Variants in USP31 observed in about 807,000 individuals in gnomAD.
The protein encoded by USP31 is ubiquitin carboxyl-terminal hydrolase 31.
Under a neutral mutation model 119.4 loss-of-function variants are expected in USP31, and 44 were observed. The ratio of observed to expected loss-of-function variants is 0.37; its 90% CI spans 0.29 to 0.47. USP31 has a LOEUF of 0.47. Among genes scored for constraint, USP31 ranks in the 20% least tolerant of loss-of-function variants. The pLI is 0.99. For missense variants in USP31, 1,643 were observed against 1,730.2 expected, an observed-to-expected ratio of 0.95 and a Z score of 0.89; for synonymous variants, 749 against 705.6, an observed-to-expected ratio of 1.06 and a Z score of -0.97.
At chr16:23,134,565 C>T (rs1454999491) in intron 1 of USP31, among the ~76,000 whole-genome samples, 3 of 151,376 alleles carry the variant, frequency 2.0e-5, no homozygotes, top group Admixed American at 2.0e-4. Flanking sequence ...CTATACTACA[C>T]GAGATGGGAA....
chr16:23,068,530 G>T lies in USP31; in HGVS notation c.3575C>A (p.Ala1192Asp), dbSNP rs1360950841. The T allele has an allele frequency of 1.2e-6, 2 of 1,613,872 alleles. No homozygotes were observed. Among genetic ancestry groups the T allele is most frequent in the Non-Finnish European group, 1.7e-6 (2 of 1,179,910 alleles). ...GGAGGAGCTCCGCACGTGCTTCCCGGCCCCCCTGCCCTCCCCTGCTCGGGC... is the reference window on the plus strand; with the variant it reads ...GGAGGAGCTCCGCACGTGCTTCCCGTCCCCCCTGCCCTCCCCTGCTCGGGC... Reference protein sequence around the residue: ...SQARAGEGRGAGKHVRSSSMA... With the variant: ...SQARAGEGRGDGKHVRSSSMA... The change falls in exon 16 of 16, where the codon GCC becomes GAC. Residue 1192 changes from alanine (A) to aspartate (D), a missense_variant. Ala to Asp is a moderately radical substitution (Grantham distance 126). Coordinates refer to ENST00000219689, the MANE Select transcript of USP31 (RefSeq NM_020718.4).
intron 1 of USP31, among the ~76,000 whole-genome samples, chr16:23,119,341 G>A (rs923088483): frequency 4.6e-5 from 7 of 152,008 alleles, no homozygotes; most frequent in African/African-American, 9.6e-5. Flanking sequence ...CAAGTGAGCC[G>A]CCTGCCTCAG....
chr16:23,088,403 C>T (rs1901208160), intron 7 of USP31, among the ~76,000 whole-genome samples: 1 of 152,076 alleles, frequency 6.6e-6, no homozygotes, highest in African/African-American at 2.4e-5. Flanking sequence ...CCAAGTCCAG[C>T]CCCCGGAGAG....
At chr16:23,102,498 T>C (rs1901923403) in intron 5 of USP31, 35 bp from the exon 6 acceptor site, 2 of 1,587,760 alleles carry the variant, frequency 1.3e-6, no homozygotes, top group East Asian at 2.3e-5. Context: ...GGTGGGTAAC[T>C]GGAAATTCGA....
At chr16:23,143,887 C>G (rs1903429885) in intron 1 of USP31, among the ~76,000 whole-genome samples, 1 of 151,748 alleles carries the variant, frequency 6.6e-6, no homozygotes, top group East Asian at 1.9e-4. Flanking sequence ...GGGGTGGGGG[C>G]AGGGTGGGGT....
At chr16:23,085,467 A>T in intron 10 of USP31, 118 bp downstream of exon 10, 1 of 907,296 alleles carries the variant, frequency 1.1e-6, no homozygotes, top group Non-Finnish European at 1.7e-6. Flanking sequence ...ACACACCTGG[A>T]TACTTAGCTA....
chr16:23,068,987 G>A lies in USP31; in HGVS notation c.3118C>T (p.Arg1040Trp), dbSNP rs752667399. The change falls in exon 16 of 16, where the codon CGG (arginine) becomes TGG (tryptophan). Residue 1040 changes from arginine (R) to tryptophan (W), a missense_variant. Around this residue, in one of 5 missense-constraint regions of USP31, gnomAD observed 699 missense variants for 650.9 expected, o/e 1.07. Transcript: ENST00000219689. ...KGTSEPEKSL[R>W]KGRPALASQE... Reference sequence around the variant, plus strand: ...CTTGCCAAGGCTGGTCTCCCCTTCCGCAAGCTTTTCTCTGGCTCAGAAGTG... The same window carrying A: ...CTTGCCAAGGCTGGTCTCCCCTTCCACAAGCTTTTCTCTGGCTCAGAAGTG... 2.4e-5 allele frequency: 38 copies of A among 1,613,934 alleles called. No individual in the cohort carries two copies. Among genetic ancestry groups the A allele is most frequent in the African/African-American group, 6.7e-5 (5 of 74,904 alleles).
intron 1 of USP31, among the ~76,000 whole-genome samples, chr16:23,145,651 AC>A (rs1293306982): frequency 1.3e-5 from 2 of 152,194 alleles, no homozygotes; most frequent in Non-Finnish European, 2.9e-5. Flanking sequence ...GAGGTGACAA[AC>A]CTAAGAACAA....
chr16:23,085,779 T>A (rs1901082672), intron 9 of USP31, 117 bp from the exon 10 acceptor site: 1 of 917,342 alleles, frequency 1.1e-6, no homozygotes, highest in Non-Finnish European at 1.7e-6. Context: ...ATGAAAATCT[T>A]CATCATAGTT....
At chr16:23,116,338 G>A (rs1567241451) in intron 1 of USP31, among the ~76,000 whole-genome samples, 1 of 152,222 alleles carries the variant, frequency 6.6e-6, no homozygotes. Context: ...ATGGGCTGCT[G>A]CTGGAAATAA....
intron 6 of USP31, among the ~76,000 whole-genome samples, chr16:23,102,098 C>A (rs536978832): frequency 6.6e-6 from 1 of 150,948 alleles, no homozygotes; most frequent in East Asian, 2.0e-4. Context: ...GTTTTCCCAA[C>A]TAAACTATGG....
At chr16:23,130,775 T>A (rs1016931346) in intron 1 of USP31, among the ~76,000 whole-genome samples, 6 of 152,118 alleles carry the variant, frequency 3.9e-5, no homozygotes, top group Non-Finnish European at 7.4e-5. Context: ...CCACCCCAGA[T>A]CAAGATACTT....
intron 6 of USP31, among the ~76,000 whole-genome samples, chr16:23,096,429 T>G (rs1234071446): frequency 6.6e-6 from 1 of 152,168 alleles, no homozygotes; most frequent in African/African-American, 2.4e-5. Flanking sequence ...ATTAGACAGA[T>G]CAACAAGACA....
chr16:23,120,280 C>T (rs1455879667), intron 1 of USP31, among the ~76,000 whole-genome samples: 1 of 152,132 alleles, frequency 6.6e-6, no homozygotes, highest in Non-Finnish European at 1.5e-5. Flanking sequence ...GAAAAGCCAT[C>T]TAAATATCTA....
intron 1 of USP31, among the ~76,000 whole-genome samples, chr16:23,144,353 A>G (rs1253090507): frequency 6.6e-6 from 1 of 152,162 alleles, no homozygotes; most frequent in Non-Finnish European, 1.5e-5. Flanking sequence ...ACTGAGCAGG[A>G]TTCTAAGGCT....
In USP31 at chr16:23,066,870, A is replaced by G. The variant is rs1030877818; in HGVS notation, c.*1176T>C. 2.0e-5 allele frequency: 3 copies of G among 152,232 alleles called. No individual in the cohort carries two copies. In the East Asian group the frequency reaches 5.8e-4, roughly 29 times the overall value. The allele number at this position is 152,232 out of a possible 1,614,324, so 9.4% of individuals were successfully genotyped here. A position where few individuals can be genotyped will look rare whatever the true frequency, so the allele number is the denominator to read the frequency against. On this transcript the variant is annotated 3_prime_UTR_variant, in exon 16 of 16. Coordinates refer to ENST00000219689, the MANE Select transcript of USP31 (RefSeq NM_020718.4). ...GGCATGAGATGAAATCTTAAGAACAAAGAAGAAATAATAAATGAGTTACTG... is the reference window on the plus strand; with the variant it reads ...GGCATGAGATGAAATCTTAAGAACAGAGAAGAAATAATAAATGAGTTACTG...
Position 23,090,807 on chromosome 16 carries a change from G to C in USP31, c.1235-3C>G. On this transcript the variant is annotated splice_region_variant and splice_polypyrimidine_tract_variant and intron_variant, in intron 6 of 15. Coordinates refer to ENST00000219689, the MANE Select transcript of USP31 (RefSeq NM_020718.4). ...TAGGTTGTTGTTTAAATGAATTCCT[G>C]AAACAGAATAAAAACAACTCATTTT... is the stretch of plus-strand genomic sequence containing the variant. 2.0e-6 allele frequency: 3 copies of C among 1,531,790 alleles called. No individual in the cohort carries two copies. Among genetic ancestry groups the C allele is most frequent in the Non-Finnish European group, 2.7e-6 (3 of 1,123,824 alleles). The allele number at this position is 1,531,790 out of a possible 1,614,324, so 94.9% of individuals were successfully genotyped here.
At position 23,068,505 on chromosome 16, in the gene USP31, G is replaced by A. The variant is rs767745480; in HGVS notation, c.3600C>T (p.Ser1200=). 5.1e-5 allele frequency: 83 copies of A among 1,613,514 alleles called. No individual in the cohort carries two copies. Among genetic ancestry groups the A allele is most frequent in the Non-Finnish European group, 6.9e-5 (81 of 1,179,728 alleles). The change falls in exon 16 of 16, where the codon TCC becomes TCT. Residue 1200 remains serine (S), a synonymous_variant. Transcript: ENST00000219689. ...RGAGKHVRSS[S]MASLRSPSTS... ...TGCTGGGGGAGCGCAGGCTGGCCATGGAGGAGCTCCGCACGTGCTTCCCGG... is the reference window on the plus strand; with the variant it reads ...TGCTGGGGGAGCGCAGGCTGGCCATAGAGGAGCTCCGCACGTGCTTCCCGG...
intron 1 of USP31, among the ~76,000 whole-genome samples, chr16:23,127,469 T>A (rs924816442): frequency 3.3e-5 from 5 of 151,814 alleles, no homozygotes; most frequent in African/African-American, 1.2e-4. Context: ...AAGAAACAAC[T>A]GATTTTTTTT....
Sources: gnomAD v4.1 joint callset for allele counts (sites outside exome capture counted in the v4.1 genomes callset) on GRCh38, gnomAD v4.1.1 for gene constraint, gnomAD v4.1.1 regional missense constraint, MANE v1.5 for transcripts, NCBI Gene and HGNC (gene_info 2026-07-23, HGNC 2026-07-21) for gene names.